THPO: variants seen among roughly 807,000 people sequenced by gnomAD.
The protein encoded by THPO is thrombopoietin, also known as MPL ligand.
Under a neutral mutation model 17.0 loss-of-function variants are expected in THPO, and 12 were observed. The observed-to-expected ratio is 0.71, with a 90% confidence interval of 0.45 to 1.14. The LOEUF is 1.14. Ranked by LOEUF, THPO falls within the 50% of genes most tolerant of loss-of-function variation. The pLI, the probability that THPO is intolerant of heterozygous loss-of-function variation, is 0.00. For missense variants in THPO, 365 were observed against 427.5 expected (o/e 0.85, Z 1.29); for synonymous variants, 188 against 183.0 (o/e 1.03, Z -0.22).
At chr3:184,375,795 G>A (rs1180251875) in intron 3 of THPO, 93 bp downstream of exon 3, 1 of 1,586,308 alleles carries the variant, frequency 6.3e-7, no homozygotes, top group Non-Finnish European at 8.6e-7. Flanking sequence ...TAGTCATTGG[G>A]TCAAGGAGTT....
At position 184,373,576 on chromosome 3, in the gene THPO, T is replaced by C. The variant is rs1357271605; in HGVS notation, c.235A>G (p.Thr79Ala). The C allele has an allele frequency of 1.2e-6, 2 of 1,613,810 alleles. No individual in the cohort carries two copies. Among genetic ancestry groups the C allele is most frequent in the Non-Finnish European group, 1.7e-6 (2 of 1,179,958 alleles). The change falls in exon 5 of 6, where the codon ACC (threonine) becomes GCC (alanine). Residue 79 changes from threonine (T) to alanine (A), a missense_variant. Thr to Ala is a moderately conservative substitution (Grantham distance 58). Coordinates refer to ENST00000647395, the MANE Select transcript of THPO (RefSeq NM_000460.4). ...GCTCCCAGAATGTCCTGTGCCTTGG[T>C]CTCCTCCTGAGAAAGAGATGGAAGA... The part of the protein sequence containing the change: ...LGEWKTQMEE[T>A]KAQDILGAVT...
chr3:184,378,418 T>C, upstream of THPO: 1 of 984,046 alleles, frequency 1.0e-6, no homozygotes, highest in Non-Finnish European at 1.2e-6. Context: ...CCAGGAGGAA[T>C]CTGGCAGGAC....
chr3:184,374,472 A>G (rs1250053514), intron 4 of THPO, among the ~76,000 whole-genome samples: 2 of 152,172 alleles, frequency 1.3e-5, no homozygotes, highest in Non-Finnish European at 2.9e-5. Flanking sequence ...TTAGTTTAAT[A>G]TGGTCCCTCT....
chr3:184,374,723 G>A (rs748161181), intron 4 of THPO, among the ~76,000 whole-genome samples: 4 of 152,220 alleles, frequency 2.6e-5, no homozygotes, highest in Admixed American at 2.0e-4. Flanking sequence ...AGGCTTAAAT[G>A]ATGGAAGCAG....
At chr3:184,378,874 G>A (rs1714706550), upstream of THPO, 2 of 985,268 alleles carry the variant, frequency 2.0e-6, no homozygotes, top group South Asian at 9.4e-5. Context: ...CGTTCCACAT[G>A]TGACAAGAGG....
At position 184,373,544 on chromosome 3, in the gene THPO, G is replaced by A; in HGVS notation, c.267C>T (p.Thr89=). ...CTGCCATCACTCCCTCCAGCAGAAG[G>A]GTCACTGCTCCCAGAATGTCCTGTG... The part of the protein sequence containing the change: ...TKAQDILGAV[T]LLLEGVMAAR... The change falls in exon 5 of 6, where the codon ACC becomes ACT. Residue 89 remains threonine, a synonymous_variant. Coordinates refer to ENST00000647395, the MANE Select transcript of THPO (RefSeq NM_000460.4). The A allele has an allele frequency of 1.2e-6, 2 of 1,614,142 alleles. No homozygotes were observed. The highest frequency in any genetic ancestry group is 1.7e-5 in the Admixed American group (1 of 60,022).
intron 4 of THPO, among the ~76,000 whole-genome samples, chr3:184,374,809 A>C (rs980949980): frequency 6.6e-6 from 1 of 152,032 alleles, no homozygotes; most frequent in Non-Finnish European, 1.5e-5. Context: ...TCTTTTTGAG[A>C]CGGAGTTTTG....
chr3:184,375,380 G>T, intron 4 of THPO, 135 bp downstream of exon 4: 1 of 828,982 alleles, frequency 1.2e-6, no homozygotes, highest in Non-Finnish European at 2.1e-6. Context: ...ATAGGTGAAT[G>T]TAGATTGGGT....
At chr3:184,378,923 GCTGCT>G, upstream of THPO, 2 of 959,118 alleles carry the variant, frequency 2.1e-6, no homozygotes, top group Non-Finnish European at 1.2e-6. Flanking sequence ...AGGAAAGACA[GCTGCT>G]GGACCTCCCC....
At chr3:184,379,041 C>A (rs550307454), upstream of THPO, among the ~76,000 whole-genome samples, 1 of 152,292 alleles carries the variant, frequency 6.6e-6, no homozygotes, top group Admixed American at 6.5e-5. Context: ...TCCTCAGGGG[C>A]TTCCTGGCCT....
At chr3:184,378,847 C>T (rs909094257), upstream of THPO, 15 of 985,356 alleles carry the variant, frequency 1.5e-5, no homozygotes, top group East Asian at 1.1e-4. Context: ...GTTCTGTCTC[C>T]GTCTTCCATC....
chr3:184,373,126 A>G lies in THPO; in HGVS notation c.449T>C (p.Leu150Pro). The G allele has an allele frequency of 1.2e-6, 2 of 1,613,586 alleles. No homozygotes were observed. The highest frequency in any genetic ancestry group is 8.5e-7 in the Non-Finnish European group (1 of 1,180,008). The change falls in exon 6 of 6, where the codon CTG becomes CCG. Residue 150 changes from leucine to proline, a missense_variant. Transcript: ENST00000647395. ...TCCTCGGAGCAGGTGTTGGAAGCTC[A>G]GGAAGATGGCATTGGGATCCTTGTG... Reference protein sequence around the residue: ...TAHKDPNAIFLSFQHLLRGKV... With the variant: ...TAHKDPNAIFPSFQHLLRGKV...
Position 184,371,983 on chromosome 3 carries a change from C to T in THPO, c.*530G>A, listed in dbSNP as rs1379852048. The T allele has an allele frequency of 6.5e-6, 1 of 154,416 alleles. No homozygotes were observed. The highest frequency in any genetic ancestry group is 2.4e-5 in the African/African-American group (1 of 41,440). 9.6% of individuals were successfully genotyped at this position (154,416 alleles called of 1,614,324 possible). ...CGCTCCCATTTATTCCTTATACAGG[C>T]TCAGTTTTGTCTAGTGTATAGGGAC... On this transcript the variant is annotated 3_prime_UTR_variant, in exon 6 of 6. Transcript: ENST00000647395.
chr3:184,375,454 G>C lies in THPO; in HGVS notation c.228+61C>G. ...CTCAAGAATGTTGGAGAATCCATGG[G>C]AAGCAGTGGGAAACTGAAGACAGGA... On this transcript the variant is annotated intron_variant, in intron 4 of 5. Coordinates refer to ENST00000647395, the MANE Select transcript of THPO (RefSeq NM_000460.4). 3 of 1,518,220 alleles carry C rather than the reference G, an allele frequency of 2.0e-6. No homozygotes were observed. In the South Asian group the frequency reaches 3.4e-5, roughly 17 times the overall value. 94.0% of individuals were successfully genotyped at this position (1,518,220 alleles called of 1,614,324 possible).
At position 184,375,928 on chromosome 3, in the gene THPO, C is replaced by T. The variant is rs1387753451; in HGVS notation, c.101G>A (p.Ser34Asn). Residue 34 changes from serine (S) to asparagine (N), a missense_variant, in exon 3 of 6, where the codon AGT becomes AAT. By Grantham distance (46) the Ser-to-Asn change is conservative. Coordinates refer to ENST00000647395, the MANE Select transcript of THPO (RefSeq NM_000460.4). ...GACATGGGAGTCACGAAGCAGTTTACTGAGGACTCGGAGGTCACAAGCAGG... is the reference window on the plus strand; with the variant it reads ...GACATGGGAGTCACGAAGCAGTTTATTGAGGACTCGGAGGTCACAAGCAGG... ...APPACDLRVL[S>N]KLLRDSHVLH... 2.5e-6 allele frequency: 4 copies of T among 1,613,636 alleles called. No individual in the cohort carries two copies. Among genetic ancestry groups the T allele is most frequent in the African/African-American group, 1.3e-5 (1 of 74,870 alleles).
chr3:184,373,302 G>A (rs1460811764), intron 5 of THPO, 113 bp downstream of exon 5: 2 of 1,550,734 alleles, frequency 1.3e-6, no homozygotes, highest in Non-Finnish European at 1.8e-6. Context: ...ACTCTTAGTA[G>A]ATCAGCTCTT....
At chr3:184,375,857 G>A (rs780433082) in intron 3 of THPO, 31 bp downstream of exon 3, 61 of 1,612,038 alleles carry the variant, frequency 3.8e-5, no homozygotes, top group Admixed American at 2.0e-4. Flanking sequence ...CCAGTTACGC[G>A]GATAAAGGGG....
intron 4 of THPO, among the ~76,000 whole-genome samples, chr3:184,373,835 T>C (rs993870799): frequency 6.6e-6 from 1 of 152,204 alleles, no homozygotes; most frequent in African/African-American, 2.4e-5. Context: ...CCTTTTTTCT[T>C]ACGTTGCTGA....
In THPO at chr3:184,377,468, A is replaced by G. The variant is rs367767818; in HGVS notation, c.-146+607T>C. 3.4e-3 allele frequency among the ~76,000 whole-genome samples: 519 copies of G among 152,232 alleles called. 6 individuals are homozygous for G. Among genetic ancestry groups the G allele is most frequent in the African/African-American group, 0.011 (459 of 41,532 alleles). On this transcript the variant is annotated intron_variant, in intron 1 of 5. Transcript: ENST00000647395. The stretch of plus-strand genomic sequence containing the variant: ...TACCTTGTCTTAGGCGCCCACTAAC[A>G]TATCTGTCTCATAGCTCACACCTGC...
Sources: allele counts gnomAD v4.1 joint callset (sites outside exome capture counted in the v4.1 genomes callset), GRCh38; gene constraint gnomAD v4.1.1; transcripts MANE v1.5; gene names NCBI Gene and HGNC (gene_info 2026-07-23, HGNC 2026-07-21).